ELP1: variants seen among roughly 807,000 people sequenced by gnomAD.
ELP1 encodes the protein elongator acetyltransferase complex subunit 1, also known as elongator complex protein 1.
A neutral mutation model predicts 183.2 loss-of-function variants in ELP1; 131 were observed. The observed-to-expected ratio is 0.72, with a 90% CI of 0.62 to 0.83. The LOEUF (loss-of-function observed/expected upper bound fraction) is 0.83, where lower values mean the gene tolerates loss of function less well. Among genes scored for constraint, ELP1 ranks in the 40% least tolerant of loss-of-function variants. The pLI is 0.00. For synonymous variants in ELP1, 555 were observed against 569.0 expected (o/e 0.98, Z 0.35); for missense variants, 1,550 against 1,594.9 (o/e 0.97, Z 0.48).
At chr9:108,884,369 T>C (rs1205562647) in intron 29 of ELP1, among the ~76,000 whole-genome samples, 1 of 152,086 alleles carries the variant, frequency 6.6e-6, no homozygotes, top group African/African-American at 2.4e-5. Flanking sequence ...TCAATAAGGA[T>C]ATAAAAAGCT....
At chr9:108,912,213 C>G in intron 11 of ELP1, 51 bp downstream of exon 11, 1 of 1,402,298 alleles carries the variant, frequency 7.1e-7, no homozygotes, top group Non-Finnish European at 1.0e-6. Context: ...TCTGCAGGCC[C>G]TAGGCTCAGG....
intron 6 of ELP1, 138 bp downstream of exon 6, chr9:108,922,704 G>C: frequency 2.7e-6 from 2 of 733,956 alleles, no homozygotes; most frequent in Admixed American, 2.0e-5. Context: ...TTCATTTCCT[G>C]AAGGTTCTAG....
chr9:108,905,896 CACAT>C (rs5899827), intron 14 of ELP1, among the ~76,000 whole-genome samples: 3,033 of 136,152 alleles, frequency 0.022, 49 homozygotes, highest in Non-Finnish European at 0.033. Flanking sequence ...CACACACACA[CACAT>C]ATATGCGCAT....
intron 5 of ELP1, among the ~76,000 whole-genome samples, chr9:108,924,352 A>T (rs924390899): frequency 1.3e-5 from 2 of 152,134 alleles, no homozygotes; most frequent in Non-Finnish European, 2.9e-5. Context: ...TACTGACCCC[A>T]GGATAGAGGA....
At chr9:108,877,009 G>A (rs977091399) in intron 35 of ELP1, among the ~76,000 whole-genome samples, 3 of 152,186 alleles carry the variant, frequency 2.0e-5, no homozygotes, top group African/African-American at 7.2e-5. Context: ...GGGATTACAG[G>A]CGTGAGCCAC....
chr9:108,869,665 GC>G (rs1827364720), intron 36 of ELP1, among the ~76,000 whole-genome samples: 1 of 151,714 alleles, frequency 6.6e-6, no homozygotes, highest in Non-Finnish European at 1.5e-5. Flanking sequence ...CAATAAAGAT[GC>G]CCCTGCTTTA....
chr9:108,918,379 C>A (rs1829525184), intron 8 of ELP1, among the ~76,000 whole-genome samples: 1 of 152,106 alleles, frequency 6.6e-6, no homozygotes, highest in Admixed American at 6.5e-5. Flanking sequence ...GCAAGCAGAT[C>A]CTCTGCTGTA....
At chr9:108,919,837 C>A (rs1829578937) in intron 6 of ELP1, among the ~76,000 whole-genome samples, 1 of 152,140 alleles carries the variant, frequency 6.6e-6, no homozygotes, top group Non-Finnish European at 1.5e-5. Flanking sequence ...TGGAAATGTT[C>A]TCATTCTGCA....
Position 108,880,201 on chromosome 9 carries a change from G to A in ELP1, c.3347-36C>T, listed in dbSNP as rs1420225151. The A allele has an allele frequency of 2.1e-6, 3 of 1,410,376 alleles. No homozygotes were observed. The South Asian group carries it at 3.4e-5, about 16-fold the overall frequency. The allele number at this position is 1,410,376 out of a possible 1,614,324, so 87.4% of individuals were successfully genotyped here. A position where few individuals can be genotyped will look rare whatever the true frequency, so the allele number is the denominator to read the frequency against. Reference sequence around the variant, plus strand: ...AGAATGGAAAATAGTTTGAGCATGAGGTTTAAGCAAAGAGAAAAAACTAAA... The same window carrying A: ...AGAATGGAAAATAGTTTGAGCATGAAGTTTAAGCAAAGAGAAAAAACTAAA... On this transcript the variant is annotated intron_variant, in intron 31 of 36. Coordinates refer to ENST00000374647, the MANE Select transcript of ELP1 (RefSeq NM_003640.5).
rs3750461 is a variant in ELP1, at chr9:108,906,606, A to G, written c.1461-121T>C. The G allele has an allele frequency of 0.076, 58,502 of 768,318 alleles. 3,643 individuals are homozygous for G. Among genetic ancestry groups the G allele is most frequent in the African/African-American group, 0.23 (13,399 of 57,720 alleles). 47.6% of individuals were successfully genotyped at this position (768,318 alleles called of 1,614,324 possible). On this transcript the variant is annotated intron_variant, in intron 13 of 36. Transcript: ENST00000374647. The stretch of plus-strand genomic sequence containing the variant: ...AGTCCACTCCTAATTATTTGGAGGG[A>G]CAAAACCTGAGATACTACCAAATAC...
In ELP1 at chr9:108,868,571, T is replaced by A; in HGVS notation, c.*544A>T. On this transcript the variant is annotated 3_prime_UTR_variant, in exon 37 of 37. Coordinates refer to ENST00000374647, the MANE Select transcript of ELP1 (RefSeq NM_003640.5). ...AATTATAGGAGGCTCAGCCCAGTTA[T>A]AACTGAAAGCACATGACCTGGTAAG... is the stretch of plus-strand genomic sequence containing the variant. 1 of 439,240 alleles carries A rather than the reference T, an allele frequency of 2.3e-6. No homozygotes were observed. Among genetic ancestry groups the A allele is most frequent in the Non-Finnish European group, 4.0e-6 (1 of 251,384 alleles). The allele number at this position is 439,240 out of a possible 1,614,324, so 27.2% of individuals were successfully genotyped here.
chr9:108,914,496 C>G (rs1829359074), intron 10 of ELP1, among the ~76,000 whole-genome samples: 2 of 151,218 alleles, frequency 1.3e-5, no homozygotes, highest in Admixed American at 1.3e-4. Flanking sequence ...CAAAAATGTA[C>G]CATGCATTGC....
At chr9:108,884,297 T>C (rs4978373) in intron 29 of ELP1, among the ~76,000 whole-genome samples, 8,003 of 152,102 alleles carry the variant, frequency 0.053, 322 homozygotes, top group Admixed American at 0.12. Flanking sequence ...AAAGGAGAAA[T>C]AGACAAATAC....
intron 5 of ELP1, 97 bp from the exon 6 acceptor site, chr9:108,923,024 T>C: frequency 1.1e-6 from 1 of 886,050 alleles, no homozygotes; most frequent in Non-Finnish European, 1.9e-6. Context: ...TGGCAATTAC[T>C]CAGGTCCTCT....
At chr9:108,922,311 C>T (rs973068775) in intron 6 of ELP1, among the ~76,000 whole-genome samples, 2 of 152,228 alleles carry the variant, frequency 1.3e-5, no homozygotes, top group African/African-American at 4.8e-5. Flanking sequence ...CCACACACCT[C>T]TGCCTTCAGG....
chr9:108,904,566 T>A (rs1024350144), intron 14 of ELP1, among the ~76,000 whole-genome samples: 1 of 152,192 alleles, frequency 6.6e-6, no homozygotes, highest in African/African-American at 2.4e-5. Flanking sequence ...TACAAATGCT[T>A]CAAATTTTGT....
chr9:108,907,215 C>T (rs1188574122), intron 13 of ELP1, among the ~76,000 whole-genome samples: 1 of 152,166 alleles, frequency 6.6e-6, no homozygotes, highest in African/African-American at 2.4e-5. Context: ...TTTGCCAACC[C>T]CAAACCTATC....
intron 22 of ELP1, 114 bp from the exon 23 acceptor site, chr9:108,897,399 G>A (rs1249707376): frequency 9.4e-7 from 1 of 1,066,808 alleles, no homozygotes; most frequent in Non-Finnish European, 1.4e-6. Flanking sequence ...TTTTGGAAAA[G>A]AGTTGAATTA....
At chr9:108,930,277 A>G (rs1037125616) in intron 2 of ELP1, among the ~76,000 whole-genome samples, 5 of 152,264 alleles carry the variant, frequency 3.3e-5, no homozygotes, top group East Asian at 3.8e-4. Flanking sequence ...TTAGTAGAAG[A>G]ACATAATCAA....
Sources: allele counts gnomAD v4.1 joint callset (sites outside exome capture counted in the v4.1 genomes callset), GRCh38; gene constraint gnomAD v4.1.1; transcripts MANE v1.5; gene names NCBI Gene and HGNC (gene_info 2026-07-23, HGNC 2026-07-21).